CER1: variants seen among roughly 807,000 people sequenced by gnomAD.
CER1 encodes cerberus 1, DAN family BMP antagonist.
Under a neutral mutation model 11.8 loss-of-function variants are expected in CER1, and 10 were observed. That is an observed-to-expected ratio of 0.85 (90% CI 0.52 to 1.44). CER1 has a LOEUF of 1.44. CER1 is among the 40% of genes most tolerant of loss of function. CER1 has a pLI of 0.00. For missense variants in CER1, 431 were observed against 327.0 expected (o/e 1.32, Z -2.45); for synonymous variants, 141 against 122.3 (o/e 1.15, Z -1.01).
Position 14,719,993 on chromosome 9 carries a change from T to C in CER1, c.*97A>G. ...AACTACGTTTCAAGTCACCTTTCCCTGAAAATGTTATGTACCCACTTAACA... is the reference window on the plus strand; with the variant it reads ...AACTACGTTTCAAGTCACCTTTCCCCGAAAATGTTATGTACCCACTTAACA... On this transcript the variant is annotated 3_prime_UTR_variant, in exon 2 of 2. Transcript: ENST00000380911. 8.6e-7 allele frequency: 1 copy of C among 1,159,432 alleles called. No individual in the cohort carries two copies. The highest frequency in any genetic ancestry group is 1.3e-6 in the Non-Finnish European group (1 of 799,462). The allele number at this position is 1,159,432 out of a possible 1,614,324, so 71.8% of individuals were successfully genotyped here.
chr9:14,718,503 C>A (rs1269038837), downstream of CER1, among the ~76,000 whole-genome samples: 2 of 152,050 alleles, frequency 1.3e-5, no homozygotes, highest in African/African-American at 4.8e-5. Context: ...AACTCACATT[C>A]ATGTTGATGT....
downstream of CER1, among the ~76,000 whole-genome samples, chr9:14,717,635 G>A (rs376506537): frequency 5.1e-4 from 77 of 152,264 alleles, no homozygotes; most frequent in African/African-American, 1.6e-3. Context: ...ATATTTGGCC[G>A]ATAACCTGAC....
At chr9:14,718,060 A>G (rs896040998), downstream of CER1, among the ~76,000 whole-genome samples, 1 of 152,204 alleles carries the variant, frequency 6.6e-6, no homozygotes, top group African/African-American at 2.4e-5. Flanking sequence ...AGTAAAAATG[A>G]TTGAATATGA....
Position 14,721,692 on chromosome 9 carries a change from G to C in CER1, c.507+474C>G, listed in dbSNP as rs78614245. ...GATTAAGACCATCGTAAATGGATAT[G>C]AGAGTATTTGGGAAGGAGTCCAATG... On this transcript the variant is annotated intron_variant, in intron 1 of 1. Coordinates refer to ENST00000380911, the MANE Select transcript of CER1 (RefSeq NM_005454.3). Among the ~76,000 whole-genome samples the C allele has an allele frequency of 6.2e-3, 941 of 152,234 alleles. 8 individuals carry two copies. Among genetic ancestry groups the C allele is most frequent in the African/African-American group, 0.022 (897 of 41,538 alleles).
At chr9:14,718,672 G>T (rs1187588520), downstream of CER1, among the ~76,000 whole-genome samples, 1 of 152,132 alleles carries the variant, frequency 6.6e-6, no homozygotes, top group East Asian at 1.9e-4. Flanking sequence ...AAAAGTAAAA[G>T]AAACCTAATT....
chr9:14,718,241 G>A (rs1481433973), downstream of CER1, among the ~76,000 whole-genome samples: 1 of 152,150 alleles, frequency 6.6e-6, no homozygotes, highest in Non-Finnish European at 1.5e-5. Context: ...TGGATGAAAC[G>A]GATTTACAAG....
intron 1 of CER1, 78 bp downstream of exon 1, chr9:14,722,088 T>C: frequency 6.7e-7 from 1 of 1,487,254 alleles, no homozygotes; most frequent in Non-Finnish European, 9.1e-7. Context: ...CTGACAGCCT[T>C]TTCCCCTACT....
In CER1 at chr9:14,722,538, G is replaced by A. The variant is rs773391363; in HGVS notation, c.135C>T (p.Gly45=). The A allele has an allele frequency of 3.7e-6, 6 of 1,614,064 alleles. No homozygotes were observed. The African/African-American group carries it at 6.7e-5, about 18-fold the overall frequency. The change falls in exon 1 of 2, where the codon GGC becomes GGT. Residue 45 remains glycine, a synonymous_variant. Coordinates refer to ENST00000380911, the MANE Select transcript of CER1 (RefSeq NM_005454.3). ...GCTTCTCCTCAGCTTCCTCATGGTT[G>A]CCTGTGGGAAGCTCTCTTTGATTCC... ...LPRNQRELPT[G]NHEEAEEKPD...
At chr9:14,717,769 A>T (rs1201218843), downstream of CER1, among the ~76,000 whole-genome samples, 1 of 152,208 alleles carries the variant, frequency 6.6e-6, no homozygotes, top group Non-Finnish European at 1.5e-5. Flanking sequence ...TTCAATATAA[A>T]CTGACAAAGA....
chr9:14,719,540 TGCCTGCCTGCCTG>T (rs1563779920), downstream of CER1, among the ~76,000 whole-genome samples: 14 of 62,744 alleles, frequency 2.2e-4, no homozygotes, highest in African/African-American at 1.2e-3. Flanking sequence ...CCTGCCTGCC[TGCCTGCCTGCCTG>T]CCTGCCTGCC....
At chr9:14,720,478 T>C (rs969520956) in intron 1 of CER1, 92 bp from the exon 2 acceptor site, 3 of 1,300,566 alleles carry the variant, frequency 2.3e-6, no homozygotes, top group Non-Finnish European at 2.1e-6. Context: ...CTGAGGATAA[T>C]TTAAAAATTT....
chr9:14,718,751 C>G (rs532961835), downstream of CER1, among the ~76,000 whole-genome samples: 196 of 152,180 alleles, frequency 1.3e-3, 1 homozygote, highest in Non-Finnish European at 2.4e-3. Context: ...TGGGAAAAGG[C>G]AGTTCTGTAC....
In CER1 at chr9:14,720,078, T is replaced by A. The variant is rs764995110; in HGVS notation, c.*12A>T. The A allele has an allele frequency of 1.2e-6, 2 of 1,609,716 alleles. No homozygotes were observed. Among genetic ancestry groups the A allele is most frequent in the East Asian group, 4.5e-5 (2 of 44,726 alleles). Reference sequence around the variant, plus strand: ...TGGTTTTGCTTTTCAAAGGTAATAGTGGGATAGCTCTTCAAGCTGAAACTC... The same window carrying A: ...TGGTTTTGCTTTTCAAAGGTAATAGAGGGATAGCTCTTCAAGCTGAAACTC... On this transcript the variant is annotated 3_prime_UTR_variant, in exon 2 of 2. Coordinates refer to ENST00000380911, the MANE Select transcript of CER1 (RefSeq NM_005454.3).
At chr9:14,721,648 A>G (rs140778700) in intron 1 of CER1, among the ~76,000 whole-genome samples, 36 of 152,312 alleles carry the variant, frequency 2.4e-4, no homozygotes, top group Non-Finnish European at 4.4e-4. Flanking sequence ...CTATAAAGTA[A>G]TTAAGTATGG....
At chr9:14,719,401 A>C (rs928998316), downstream of CER1, among the ~76,000 whole-genome samples, 1 of 152,200 alleles carries the variant, frequency 6.6e-6, no homozygotes, top group Non-Finnish European at 1.5e-5. Flanking sequence ...TACTCCTTAC[A>C]TCTGTGGAAA....
chr9:14,721,869 C>T (rs1840017445), intron 1 of CER1, among the ~76,000 whole-genome samples: 1 of 152,018 alleles, frequency 6.6e-6, no homozygotes, highest in African/African-American at 2.4e-5. Context: ...AGTAGATCAC[C>T]TCCAATGCAA....
chr9:14,720,131 C>T lies in CER1; in HGVS notation c.763G>A (p.Ala255Thr), dbSNP rs777766377. The T allele has an allele frequency of 6.2e-7, 1 of 1,614,122 alleles. No individual in the cohort carries two copies. Among genetic ancestry groups the T allele is most frequent in the Non-Finnish European group, 8.5e-7 (1 of 1,180,004 alleles). Residue 255 changes from alanine (A) to threonine (T), a missense_variant, in exon 2 of 2, where the codon GCT (alanine) becomes ACT (threonine). Coordinates refer to ENST00000380911, the MANE Select transcript of CER1 (RefSeq NM_005454.3). ...GGGATAAAGGAATCCTGGGAGCCAG[C>T]ATGTAGGATGTGTCCATCTTCATGC... ...TEHEDGHILH[A>T]GSQDSFIPGV...
rs753154703 is a variant in CER1 at position 14,722,631 on chromosome 9, T to C, written c.42A>G (p.Leu14=). 1.1e-5 allele frequency: 18 copies of C among 1,605,320 alleles called. No individual in the cohort carries two copies. Among genetic ancestry groups the C allele is most frequent in the Admixed American group, 3.3e-5 (2 of 59,992 alleles). The part of the protein sequence containing the change: ...LLFQLLVLLP[L]GKTTRHQDGR... ...CATCCTGGTGCCGTGTGGTCTTTCCTAGAGGCAGGAGTACCAGCAGCTGAA... is the reference window on the plus strand; with the variant it reads ...CATCCTGGTGCCGTGTGGTCTTTCCCAGAGGCAGGAGTACCAGCAGCTGAA... Residue 14 remains leucine, a synonymous_variant, in exon 1 of 2, where the codon CTA becomes CTG. Transcript: ENST00000380911.
chr9:14,717,617 T>C (rs186156612), downstream of CER1, among the ~76,000 whole-genome samples: 11 of 152,074 alleles, frequency 7.2e-5, no homozygotes, highest in Admixed American at 1.3e-4. Flanking sequence ...ACCAACGGAG[T>C]CAAGGAAATA....
Sources: allele counts gnomAD v4.1 joint callset (sites outside exome capture counted in the v4.1 genomes callset), GRCh38; gene constraint gnomAD v4.1.1; transcripts MANE v1.5; gene names NCBI Gene and HGNC (gene_info 2026-07-23, HGNC 2026-07-21).